AEN: variants seen among roughly 807,000 people sequenced by gnomAD.
The protein encoded by AEN is apoptosis enhancing nuclease, also known as apoptosis-enhancing nuclease.
Under a neutral mutation model 17.7 loss-of-function variants are expected in AEN, and 21 were observed. That is an observed-to-expected ratio of 1.19 (90% CI 0.84 to 1.71). The LOEUF is 1.71. AEN is among the 40% of genes most tolerant of loss of function. AEN has a pLI of 0.00. For missense variants in AEN, 462 were observed against 435.9 expected, an observed-to-expected ratio of 1.06 and a Z score of -0.53; for synonymous variants, 190 against 173.0, an observed-to-expected ratio of 1.10 and a Z score of -0.77.
At position 88,621,343 on chromosome 15, in the gene AEN, G is replaced by T. The variant is rs2057784408; in HGVS notation, c.-104G>T. ...GCATGTGGGAGCTGCCGGCTTTCCGGACGCCACGTGCAGACCGGAAGAGAC... is the reference window on the plus strand; with the variant it reads ...GCATGTGGGAGCTGCCGGCTTTCCGTACGCCACGTGCAGACCGGAAGAGAC... On this transcript the variant is annotated 5_prime_UTR_variant, in exon 1 of 4. Coordinates refer to ENST00000332810, the MANE Select transcript of AEN (RefSeq NM_022767.4). 1 of 152,342 alleles carries T rather than the reference G, an allele frequency of 6.6e-6. No individual in the cohort carries two copies. The allele number at this position is 152,342 out of a possible 1,614,324, so 9.4% of individuals were successfully genotyped here. A position where few individuals can be genotyped will look rare whatever the true frequency, so the allele number is the denominator to read the frequency against.
At chr15:88,609,490 G>T in the AEN span, among the ~76,000 whole-genome samples, 1 of 152,106 alleles carries the variant, frequency 6.6e-6, no homozygotes, top group Non-Finnish European at 1.5e-5. Context: ...GCCACATTGA[G>T]GATCCCCATC....
chr15:88,622,690 C>T (rs1379657099), intron 1 of AEN, among the ~76,000 whole-genome samples: 1 of 152,190 alleles, frequency 6.6e-6, no homozygotes, highest in Non-Finnish European at 1.5e-5. Flanking sequence ...TGGATAACAT[C>T]GGTTGCTAGG....
chr15:88,615,008 C>G, the AEN span, among the ~76,000 whole-genome samples: 2 of 152,090 alleles, frequency 1.3e-5, no homozygotes, highest in African/African-American at 4.8e-5. Flanking sequence ...GGACTACAGG[C>G]GCCCGCCACC....
At chr15:88,611,937 G>A in the AEN span, 23 of 497,088 alleles carry the variant, frequency 4.6e-5, no homozygotes, top group South Asian at 7.6e-5. Flanking sequence ...CCATCGCAGC[G>A]GGGTGCAGGA....
chr15:88,625,294 C>T (rs1037818178), intron 1 of AEN, among the ~76,000 whole-genome samples: 8 of 152,104 alleles, frequency 5.3e-5, no homozygotes, highest in Non-Finnish European at 1.0e-4. Flanking sequence ...CCGAAGTGGG[C>T]GGATCACTTG....
At chr15:88,614,664 C>A in the AEN span, among the ~76,000 whole-genome samples, 1 of 152,178 alleles carries the variant, frequency 6.6e-6, no homozygotes, top group South Asian at 2.1e-4. Context: ...TCAGGTTTCC[C>A]GGCTCACGTT....
At chr15:88,605,326 G>A in the AEN span, among the ~76,000 whole-genome samples, 1 of 152,192 alleles carries the variant, frequency 6.6e-6, no homozygotes, top group African/African-American at 2.4e-5. This position sits in a 1 kb window ranked among gnomAD's most constrained non-coding sequence, Gnocchi z 7.6. Flanking sequence ...TCGCAACCCA[G>A]CCGCCCCAAG....
At chr15:88,605,338 C>T in the AEN span, among the ~76,000 whole-genome samples, 1 of 152,196 alleles carries the variant, frequency 6.6e-6, no homozygotes, top group Non-Finnish European at 1.5e-5. The surrounding 1 kb of genome is among the most constrained non-coding windows in gnomAD (Gnocchi z 7.6). Flanking sequence ...CGCCCCAAGC[C>T]CGCCGTCGCC....
chr15:88,611,734 C>T, the AEN span: 3 of 331,292 alleles, frequency 9.1e-6, no homozygotes, highest in South Asian at 2.3e-5. Flanking sequence ...GTAATAGGAG[C>T]GGAGACAACG....
At chr15:88,613,104 T>G in the AEN span, among the ~76,000 whole-genome samples, 3 of 151,948 alleles carry the variant, frequency 2.0e-5, no homozygotes, top group Non-Finnish European at 4.4e-5. Flanking sequence ...AAGTTGGGGG[T>G]TGGGGATCGT....
In AEN at chr15:88,626,224, G is replaced by A. The variant is rs753079633; in HGVS notation, c.15G>A (p.Glu5=). The change falls in exon 2 of 4, where the codon GAG becomes GAA. Residue 5 remains glutamate (E), a synonymous_variant. Coordinates refer to ENST00000332810, the MANE Select transcript of AEN (RefSeq NM_022767.4). ...AGCTGACTGGAATGGTACCCCGGGA[G>A]GCCCCTGAGTCTGCTCAGTGCCTGT... The part of the protein sequence containing the change: MVPR[E]APESAQCLCP... 1.3e-6 allele frequency: 2 copies of A among 1,589,126 alleles called. No individual in the cohort carries two copies. The highest frequency in any genetic ancestry group is 8.6e-7 in the Non-Finnish European group (1 of 1,165,646).
chr15:88,629,391 G>A lies in AEN; in HGVS notation c.706G>A (p.Asp236Asn). ...LHTRARVSLK[D>N]LALQLLHKKI... ...CACCCGGGCCCGGGTCTCTCTAAAG[G>A]ACCTGGCCCTGCAGCTGCTGCACAA... The change falls in exon 3 of 4, where the codon GAC (aspartate) becomes AAC (asparagine). Residue 236 changes from aspartate to asparagine, a missense_variant. Transcript: ENST00000332810. 2 of 1,614,076 alleles carry A rather than the reference G, an allele frequency of 1.2e-6. No individual in the cohort carries two copies. Among genetic ancestry groups the A allele is most frequent in the Non-Finnish European group, 8.5e-7 (1 of 1,180,002 alleles).
chr15:88,611,989 C>CT, the AEN span: 1 of 435,312 alleles, frequency 2.3e-6, no homozygotes, highest in Non-Finnish European at 4.6e-6. Flanking sequence ...TCCACGTGTT[C>CT]TTTTTTGTAT....
chr15:88,616,069 C>A, the AEN span, among the ~76,000 whole-genome samples: 1 of 151,258 alleles, frequency 6.6e-6, no homozygotes, highest in Non-Finnish European at 1.5e-5. Context: ...ATAAAGGAGC[C>A]CTCGTCTTTG....
At chr15:88,607,411 T>A in the AEN span, among the ~76,000 whole-genome samples, 1 of 152,344 alleles carries the variant, frequency 6.6e-6, no homozygotes, top group Non-Finnish European at 1.5e-5. Flanking sequence ...ATTTTACTCA[T>A]AATTTTCCAA....
the AEN span, among the ~76,000 whole-genome samples, chr15:88,608,558 A>T: frequency 6.6e-6 from 1 of 152,346 alleles, no homozygotes; most frequent in East Asian, 1.9e-4. Flanking sequence ...GGAGATGAAG[A>T]TGGAAAGCTA....
rs1042090480 is a variant in AEN, at chr15:88,630,940, A to G, written c.*646A>G. ...TGGCCTGTCAGCTCCCTGCTAGGCT[A>G]CAGTGGAATAGCAGAGCCCACAGGC... is the stretch of plus-strand genomic sequence containing the variant. On this transcript the variant is annotated 3_prime_UTR_variant, in exon 4 of 4. Transcript: ENST00000332810. The surrounding 1 kb of genome is among the most constrained non-coding windows in gnomAD (Gnocchi z 5.1). 2.1e-5 allele frequency: 7 copies of G among 334,604 alleles called. No homozygotes were observed. Among genetic ancestry groups the G allele is most frequent in the South Asian group, 1.4e-4 (6 of 43,704 alleles). The allele number at this position is 334,604 out of a possible 1,614,324, so 20.7% of individuals were successfully genotyped here. A position where few individuals can be genotyped will look rare whatever the true frequency, so the allele number is the denominator to read the frequency against.
the AEN span, among the ~76,000 whole-genome samples, chr15:88,614,775 G>A: frequency 1.1e-4 from 17 of 152,138 alleles, no homozygotes; most frequent in Admixed American, 1.1e-3. Context: ...TAACACCTGG[G>A]GAGATTTAAA....
chr15:88,624,704 C>T (rs1277405452), intron 1 of AEN, among the ~76,000 whole-genome samples: 1 of 152,102 alleles, frequency 6.6e-6, no homozygotes, highest in East Asian at 1.9e-4. Context: ...TCCAACATGG[C>T]AAAACGCCAC....
Sources: gnomAD v4.1 joint callset for allele counts (sites outside exome capture counted in the v4.1 genomes callset) on GRCh38, gnomAD v4.1.1 for gene constraint, Gnocchi (gnomAD v3.1) non-coding constraint, MANE v1.5 for transcripts, NCBI Gene and HGNC (gene_info 2026-07-23, HGNC 2026-07-21) for gene names.